ADAMTSL1: variants seen among roughly 807,000 people sequenced by gnomAD.
ADAMTSL1 encodes the protein ADAMTS like 1, also known as ADAMTS-like protein 1.
A neutral mutation model predicts 201.8 loss-of-function variants in ADAMTSL1; 126 were observed. The observed-to-expected ratio is 0.62, with a 90% CI of 0.54 to 0.72. The LOEUF (loss-of-function observed/expected upper bound fraction) is 0.72, where lower values mean the gene tolerates loss of function less well. ADAMTSL1 is among the 30% of genes least tolerant of loss of function. ADAMTSL1 has a pLI of 0.00. For synonymous variants in ADAMTSL1, 1,121 were observed against 903.4 expected (o/e 1.24, Z -4.32); for missense variants, 2,679 against 2,277.8 (o/e 1.18, Z -3.59).
intron 26 of ADAMTSL1, among the ~76,000 whole-genome samples, chr9:18,893,188 C>T (rs1296180671): frequency 6.6e-6 from 1 of 152,076 alleles, no homozygotes; most frequent in Non-Finnish European, 1.5e-5. Flanking sequence ...TATCGTCTTT[C>T]TCCTACCTGG....
Position 18,504,696 on chromosome 9 carries a change from A to G in ADAMTSL1, c.64-133A>G, listed in dbSNP as rs539472601. ...GCATTATGAAATGGAAAAGAATCCG[A>G]GAATCTGATTGCGCGTTTTCATTCC... On this transcript the variant is annotated intron_variant, in intron 1 of 28. Transcript: ENST00000380548. 2.1e-3 allele frequency: 2,655 copies of G among 1,264,278 alleles called. 5 individuals carry two copies. Among genetic ancestry groups the G allele is most frequent in the Non-Finnish European group, 2.5e-3 (2,235 of 881,158 alleles). The allele number at this position is 1,264,278 out of a possible 1,614,324, so 78.3% of individuals were successfully genotyped here. A position where few individuals can be genotyped will look rare whatever the true frequency, so the allele number is the denominator to read the frequency against.
chr9:18,300,039 G>A (rs988684765), intron 2 of ADAMTSL1, among the ~76,000 whole-genome samples: 4 of 152,156 alleles, frequency 2.6e-5, no homozygotes, highest in African/African-American at 9.7e-5. Flanking sequence ...CAACCATTGT[G>A]GAAGACAGTG....
intron 23 of ADAMTSL1, among the ~76,000 whole-genome samples, chr9:18,833,251 T>C (rs369266238): frequency 9.1e-4 from 138 of 152,334 alleles, no homozygotes; most frequent in African/African-American, 3.1e-3. Context: ...TGAATGATAT[T>C]TCTGTCTTTA....
At chr9:18,825,816 T>C (rs1824517710) in intron 21 of ADAMTSL1, among the ~76,000 whole-genome samples, 1 of 152,154 alleles carries the variant, frequency 6.6e-6, no homozygotes, top group African/African-American at 2.4e-5. Context: ...CAGTATGTAC[T>C]CTTGTGTCTG....
rs541098304 is a variant in ADAMTSL1, at chr9:18,803,114, C to T, written c.3805+7590C>T. 7.6e-4 allele frequency among the ~76,000 whole-genome samples: 115 copies of T among 152,314 alleles called. 1 individual carries two copies. Among genetic ancestry groups the T allele is most frequent in the African/African-American group, 2.6e-3 (108 of 41,576 alleles). ...TAGAGACTTAAAGCAATACAAATACCTTACAGTTCTGTAGGTCAGAAGTCT... is the reference window on the plus strand; with the variant it reads ...TAGAGACTTAAAGCAATACAAATACTTTACAGTTCTGTAGGTCAGAAGTCT... On this transcript the variant is annotated intron_variant, in intron 20 of 28. Coordinates refer to ENST00000380548, the MANE Select transcript of ADAMTSL1 (RefSeq NM_001040272.6).
intron 1 of ADAMTSL1, among the ~76,000 whole-genome samples, chr9:18,481,716 C>G (rs1821737875): frequency 1.3e-5 from 2 of 152,124 alleles, no homozygotes; most frequent in African/African-American, 2.4e-5. Context: ...AATTATCAAT[C>G]ACTATTTGAC....
intron 1 of ADAMTSL1, among the ~76,000 whole-genome samples, chr9:18,497,062 C>A (rs527877569): frequency 1.3e-5 from 2 of 152,150 alleles, no homozygotes; most frequent in Non-Finnish European, 2.9e-5. Context: ...GTTGGGCCTA[C>A]ATATTATTTT....
intron 3 of ADAMTSL1, among the ~76,000 whole-genome samples, chr9:18,561,780 C>T (rs893538074): frequency 2.0e-5 from 3 of 152,032 alleles, no homozygotes; most frequent in Non-Finnish European, 4.4e-5. Flanking sequence ...TTATGTAATG[C>T]CCTTCTTTGT....
chr9:18,705,252 A>AT (rs1171656197), intron 13 of ADAMTSL1, among the ~76,000 whole-genome samples: 1 of 152,220 alleles, frequency 6.6e-6, no homozygotes, highest in Non-Finnish European at 1.5e-5. Context: ...CCAGGTTTGC[A>AT]TGCCTCTGCA....
chr9:18,906,817 A>T lies in ADAMTSL1; in HGVS notation c.5087A>T (p.His1696Leu). The change falls in exon 28 of 29, where the codon CAT (histidine) becomes CTT (leucine). Residue 1696 changes from histidine to leucine, a missense_variant. Physicochemically the swap from His to Leu is moderately conservative, Grantham distance 99. Transcript: ENST00000380548. ...GFQSRRVECV[H>L]ARTNKAVPEH... Reference sequence around the variant, plus strand: ...CAGTCCCGGCGTGTGGAGTGTGTGCATGCCCGCACCAACAAGGCAGTGCCT... The same window carrying T: ...CAGTCCCGGCGTGTGGAGTGTGTGCTTGCCCGCACCAACAAGGCAGTGCCT... 2 of 1,614,002 alleles carry T rather than the reference A, an allele frequency of 1.2e-6. No individual in the cohort carries two copies.
At chr9:18,869,836 A>C (rs1827776332) in intron 23 of ADAMTSL1, among the ~76,000 whole-genome samples, 1 of 152,164 alleles carries the variant, frequency 6.6e-6, no homozygotes, top group South Asian at 2.1e-4. Flanking sequence ...CAGATTTCCC[A>C]AAATTTGGGA....
intron 20 of ADAMTSL1, among the ~76,000 whole-genome samples, chr9:18,798,725 G>A (rs1279142118): frequency 6.6e-6 from 1 of 152,192 alleles, no homozygotes; most frequent in Non-Finnish European, 1.5e-5. Context: ...CGCCTGATGG[G>A]CTCTCCCTGG....
chr9:18,537,512 T>C (rs1819845346), intron 3 of ADAMTSL1, among the ~76,000 whole-genome samples: 1 of 151,994 alleles, frequency 6.6e-6, no homozygotes, highest in African/African-American at 2.4e-5. Context: ...AAACCAGAGG[T>C]AGGTGGGAGC....
intron 13 of ADAMTSL1, among the ~76,000 whole-genome samples, chr9:18,702,324 TG>T (rs1160845347): frequency 1.3e-5 from 2 of 152,226 alleles, no homozygotes; most frequent in African/African-American, 2.4e-5. Context: ...CTAATATCTG[TG>T]GTGACACGAG....
chr9:18,668,954 C>G (rs1233351102), intron 9 of ADAMTSL1, among the ~76,000 whole-genome samples: 1 of 152,210 alleles, frequency 6.6e-6, no homozygotes, highest in Non-Finnish European at 1.5e-5. Context: ...GGATGTGGAT[C>G]TAAGTTCTTC....
chr9:18,267,762 T>TAAAAAAAAAAAAAAAA (rs72030473), intron 2 of ADAMTSL1, among the ~76,000 whole-genome samples: 5 of 125,282 alleles, frequency 4.0e-5, no homozygotes, highest in African/African-American at 6.7e-5. Flanking sequence ...CAAAGGCTAT[T>TAAAAAAAAAAAAAAAA]AAAAAAAAAA....
chr9:18,790,604 G>T (rs963117239), intron 19 of ADAMTSL1, among the ~76,000 whole-genome samples: 1 of 152,044 alleles, frequency 6.6e-6, no homozygotes, highest in Admixed American at 6.6e-5. Context: ...TGAGCATTTG[G>T]TCCATATCTT....
chr9:18,730,227 T>C (rs186297003), intron 15 of ADAMTSL1, among the ~76,000 whole-genome samples: 1 of 152,242 alleles, frequency 6.6e-6, no homozygotes, highest in Non-Finnish European at 1.5e-5. Flanking sequence ...GTTTTTCTAT[T>C]GACCTTATAG....
intron 4 of ADAMTSL1, among the ~76,000 whole-genome samples, chr9:18,579,757 G>C (rs1822979640): frequency 6.6e-6 from 1 of 152,174 alleles, no homozygotes; most frequent in Non-Finnish European, 1.5e-5. Flanking sequence ...ATCCAGGGCA[G>C]TGAATTGCAT....
Sources: allele counts gnomAD v4.1 joint callset (sites outside exome capture counted in the v4.1 genomes callset), GRCh38; gene constraint gnomAD v4.1.1; transcripts MANE v1.5; gene names NCBI Gene and HGNC (gene_info 2026-07-23, HGNC 2026-07-21).